Variants in STARD13 observed in about 807,000 individuals in gnomAD.
STARD13 encodes StAR related lipid transfer domain containing 13, also known as stAR-related lipid transfer protein 13.
A neutral mutation model predicts 106.4 loss-of-function variants in STARD13; 62 were observed. The observed-to-expected ratio is 0.58, with a 90% CI of 0.48 to 0.72. The LOEUF (loss-of-function observed/expected upper bound fraction) is 0.72. Ranked by LOEUF, STARD13 falls within the 30% of genes least tolerant of loss-of-function variation. The probability of loss-of-function intolerance (pLI) is 0.00; values close to 1 mark genes in which losing one functional copy is unlikely to be tolerated. For missense variants in STARD13, 1,387 were observed against 1,424.0 expected (o/e 0.97, Z 0.42); for synonymous variants, 565 against 553.0 (o/e 1.02, Z -0.31).
At chr13:33,524,375 G>A in the STARD13 span, 4 of 795,372 alleles carry the variant, frequency 5.0e-6, 1 homozygote, top group Middle Eastern at 3.0e-4. Context: ...ATAGAATCCT[G>A]TAAAAAAATT....
the STARD13 span, among the ~76,000 whole-genome samples, chr13:33,566,961 T>C: frequency 6.7e-6 from 1 of 148,314 alleles, no homozygotes; most frequent in East Asian, 2.0e-4. Context: ...TCTAATTTGA[T>C]GGTTCAGTAA....
the STARD13 span, among the ~76,000 whole-genome samples, chr13:33,676,345 A>G: frequency 6.6e-6 from 1 of 152,218 alleles, no homozygotes; most frequent in Non-Finnish European, 1.5e-5. Flanking sequence ...TCAACTGGCA[A>G]GGATAATTTG....
At chr13:33,557,354 C>T in the STARD13 span, among the ~76,000 whole-genome samples, 1 of 152,040 alleles carries the variant, frequency 6.6e-6, no homozygotes, top group South Asian at 2.1e-4. Flanking sequence ...GTATTATTTC[C>T]AAGTAGCATA....
intron 1 of STARD13, among the ~76,000 whole-genome samples, chr13:33,205,548 C>T (rs908233966): frequency 3.9e-5 from 6 of 152,192 alleles, no homozygotes; most frequent in South Asian, 2.1e-4. Flanking sequence ...TTATCTATAT[C>T]TGTAGTCTGA....
At chr13:33,314,871 T>A (rs145956357) in intron 1 of STARD13, among the ~76,000 whole-genome samples, 19 of 152,324 alleles carry the variant, frequency 1.2e-4, no homozygotes, top group Admixed American at 1.2e-3. Flanking sequence ...TATTTTATAA[T>A]CTCTGTACCT....
intron 1 of STARD13, among the ~76,000 whole-genome samples, chr13:33,294,198 C>T (rs766022213): frequency 2.6e-5 from 4 of 152,348 alleles, no homozygotes; most frequent in Admixed American, 6.5e-5. Flanking sequence ...GGCATGCTTG[C>T]CGTGCCTTTA....
At chr13:33,535,748 A>C in the STARD13 span, among the ~76,000 whole-genome samples, 2 of 152,196 alleles carry the variant, frequency 1.3e-5, no homozygotes, top group Non-Finnish European at 2.9e-5. Flanking sequence ...CTCAAATGTG[A>C]CTATTGGTGT....
At chr13:33,607,267 C>T in the STARD13 span, among the ~76,000 whole-genome samples, 2 of 150,856 alleles carry the variant, frequency 1.3e-5, no homozygotes, top group African/African-American at 2.4e-5. Flanking sequence ...TTTAAGATTA[C>T]GAGTGAGTTA....
intron 1 of STARD13, among the ~76,000 whole-genome samples, chr13:33,186,944 C>T (rs182764357): frequency 2.6e-5 from 4 of 152,320 alleles, no homozygotes; most frequent in African/African-American, 9.6e-5. Context: ...TTCACAGCAA[C>T]GCTCTTAAGT....
At chr13:33,444,554 C>G in the STARD13 span, among the ~76,000 whole-genome samples, 13 of 151,988 alleles carry the variant, frequency 8.6e-5, no homozygotes, top group Non-Finnish European at 1.3e-4. Context: ...TTACTTGAGG[C>G]AGTGAGTTTG....
intron 1 of STARD13, among the ~76,000 whole-genome samples, chr13:33,328,819 C>G (rs773801462): frequency 6.6e-5 from 10 of 152,180 alleles, no homozygotes; most frequent in Admixed American, 2.0e-4. Context: ...CAGTTCACTG[C>G]CTTTCATATG....
At chr13:33,373,053 T>G in the STARD13 span, among the ~76,000 whole-genome samples, 1 of 152,160 alleles carries the variant, frequency 6.6e-6, no homozygotes, top group Non-Finnish European at 1.5e-5. Context: ...ACTTTTATTA[T>G]GCTACAAGCC....
intron 1 of STARD13, among the ~76,000 whole-genome samples, chr13:33,189,434 C>G (rs1202745857): frequency 1.0e-4 from 2 of 19,326 alleles, no homozygotes; most frequent in East Asian, 1.1e-3. Context: ...TTCCTCCTTT[C>G]GGAGGAAGGA....
At chr13:33,604,510 A>C in the STARD13 span, among the ~76,000 whole-genome samples, 1,163 of 152,314 alleles carry the variant, frequency 7.6e-3, 15 homozygotes, top group African/African-American at 0.025. Flanking sequence ...AAGAATGCTA[A>C]AAGAGGCCAG....
rs1876799682 is a variant in STARD13, at chr13:33,124,208, A to G, written c.2082+1873T>C. Reference sequence around the variant, plus strand: ...TCCTATTACCACCTTCCTTTTTCACAGGAGCCAGAGAGGTGGTCTCTGCGT... The same window carrying G: ...TCCTATTACCACCTTCCTTTTTCACGGGAGCCAGAGAGGTGGTCTCTGCGT... On this transcript the variant is annotated intron_variant, in intron 7 of 13. Coordinates refer to ENST00000336934, the MANE Select transcript of STARD13 (RefSeq NM_178006.4). Among the ~76,000 whole-genome samples the G allele has an allele frequency of 1.3e-5, 2 of 152,070 alleles. 1 individual carries two copies. Among genetic ancestry groups the G allele is most frequent in the Admixed American group, 1.3e-4 (2 of 15,262 alleles).
the STARD13 span, among the ~76,000 whole-genome samples, chr13:33,641,562 AG>A: frequency 1.1e-3 from 166 of 152,186 alleles, 4 homozygotes; most frequent in African/African-American, 3.9e-3. Flanking sequence ...GAGAGACAGG[AG>A]GGCAGGAGAA....
chr13:33,272,149 T>C (rs2138362481), intron 1 of STARD13, among the ~76,000 whole-genome samples: 1 of 152,348 alleles, frequency 6.6e-6, no homozygotes, highest in East Asian at 1.9e-4. Context: ...CAGTGGGTCC[T>C]CAACAAAAGT....
At chr13:33,276,265 A>G (rs143493902) in intron 1 of STARD13, 2 of 152,344 alleles carry the variant, frequency 1.3e-5, no homozygotes, top group East Asian at 3.9e-4. Context: ...CCTGTTAAAC[A>G]TAACGCATGG....
the STARD13 span, among the ~76,000 whole-genome samples, chr13:33,596,736 C>T: frequency 1.7e-4 from 26 of 152,280 alleles, no homozygotes; most frequent in East Asian, 4.2e-3. Flanking sequence ...TACCCTCTAC[C>T]TCCATGAGAT....
Sources: allele counts gnomAD v4.1 joint callset (sites outside exome capture counted in the v4.1 genomes callset), GRCh38; gene constraint gnomAD v4.1.1; transcripts MANE v1.5; gene names NCBI Gene and HGNC (gene_info 2026-07-23, HGNC 2026-07-21).